The following MMP26 variants were observed in gnomAD, a reference collection of about 807,000 sequenced individuals.
MMP26 encodes matrix metalloproteinase-26.
MMP26 carries 33 observed loss-of-function variants against 31.0 expected under a neutral mutation model. The ratio of observed to expected loss-of-function variants is 1.06; its 90% CI spans 0.81 to 1.42. MMP26 has a LOEUF of 1.42. Ranked by LOEUF, MMP26 falls within the 40% of genes most tolerant of loss-of-function variation. The pLI is 0.00. For missense variants in MMP26, 347 were observed against 316.1 expected, an observed-to-expected ratio of 1.10 and a Z score of -0.74; for synonymous variants, 122 against 114.9, an observed-to-expected ratio of 1.06 and a Z score of -0.40.
At chr11:4,832,969 C>T (rs1354566736) in intron 2 of MMP26, 1 of 157,096 alleles carries the variant, frequency 6.4e-6, no homozygotes, top group Admixed American at 6.4e-5. Flanking sequence ...ATAGCAGATG[C>T]ATTCTTGCTG....
intron 2 of MMP26, chr11:4,860,028 T>C (rs1353536446): frequency 4.2e-6 from 2 of 471,072 alleles, no homozygotes; most frequent in Admixed American, 4.7e-5. Context: ...GAAGACAGTA[T>C]GAATGAGACA....
At chr11:4,834,935 T>C (rs1849695850) in intron 2 of MMP26, among the ~76,000 whole-genome samples, 1 of 152,008 alleles carries the variant, frequency 6.6e-6, no homozygotes. Context: ...ATATATAAAA[T>C]ATAGACATAA....
At chr11:4,768,657 C>T (rs1433914) in intron 2 of MMP26, among the ~76,000 whole-genome samples, 28,279 of 152,006 alleles carry the variant, frequency 0.19, 4,009 homozygotes, top group African/African-American at 0.4. Flanking sequence ...TATTTCATTT[C>T]GCTGTTTTGG....
chr11:4,735,793 TTAA>T (rs1350359949), intron 1 of MMP26, among the ~76,000 whole-genome samples: 1 of 151,904 alleles, frequency 6.6e-6, no homozygotes, highest in African/African-American at 2.4e-5. Context: ...TAAAAAACAC[TTAA>T]TAATTTTATT....
intron 1 of MMP26, among the ~76,000 whole-genome samples, chr11:4,740,419 C>T (rs1848296556): frequency 1.3e-5 from 2 of 152,108 alleles, no homozygotes; most frequent in South Asian, 2.1e-4. Flanking sequence ...GGCGGTGGCT[C>T]ATGCCTGTAA....
At chr11:4,789,734 G>A (rs1848997699) in intron 2 of MMP26, among the ~76,000 whole-genome samples, 1 of 151,094 alleles carries the variant, frequency 6.6e-6, no homozygotes, top group South Asian at 2.1e-4. Flanking sequence ...TAGAGACGGG[G>A]TTTCACTGTG....
At chr11:4,983,305 A>G (rs1351272681) in intron 2 of MMP26, among the ~76,000 whole-genome samples, 8 of 152,126 alleles carry the variant, frequency 5.3e-5, no homozygotes, top group African/African-American at 1.9e-4. Context: ...TTCTCTTAGC[A>G]TTAGCTCAAA....
intron 2 of MMP26, among the ~76,000 whole-genome samples, chr11:4,939,553 C>T (rs935979268): frequency 2.0e-5 from 3 of 152,130 alleles, no homozygotes; most frequent in African/African-American, 7.2e-5. Flanking sequence ...TATTAACTCT[C>T]TATTTAAACA....
chr11:4,983,923 A>G (rs745924921), intron 2 of MMP26, among the ~76,000 whole-genome samples: 13 of 152,210 alleles, frequency 8.5e-5, no homozygotes, highest in Non-Finnish European at 4.4e-5. Context: ...TATGCATATT[A>G]CATTTTGAGA....
chr11:4,920,622 C>A (rs749419425), intron 2 of MMP26, among the ~76,000 whole-genome samples: 1 of 152,118 alleles, frequency 6.6e-6, no homozygotes, highest in African/African-American at 2.4e-5. Flanking sequence ...AAAGCAAGCA[C>A]AGAACAATTA....
chr11:4,863,478 A>G (rs562684582), intron 2 of MMP26: 6 of 152,134 alleles, frequency 3.9e-5, no homozygotes, highest in Admixed American at 6.6e-5. Context: ...ATGACACTCT[A>G]TACACTATTC....
chr11:4,871,089 T>C (rs1850304591), intron 2 of MMP26, among the ~76,000 whole-genome samples: 1 of 151,842 alleles, frequency 6.6e-6, no homozygotes, highest in Non-Finnish European at 1.5e-5. Flanking sequence ...CAAAGGAAAA[T>C]AATTCAGCAT....
At chr11:4,858,019 T>C (rs1205723299) in intron 2 of MMP26, among the ~76,000 whole-genome samples, 1 of 152,042 alleles carries the variant, frequency 6.6e-6, no homozygotes, top group Non-Finnish European at 1.5e-5. Flanking sequence ...TCGACAAAAT[T>C]CAACAGCCCT....
chr11:4,779,731 A>G (rs1848834032), intron 2 of MMP26, among the ~76,000 whole-genome samples: 1 of 152,080 alleles, frequency 6.6e-6, no homozygotes, highest in Admixed American at 6.6e-5. Context: ...TAAGTTTTCA[A>G]ATTTATTGTT....
At position 4,769,778 on chromosome 11, in the gene MMP26, A is replaced by G. The variant is rs758904076; in HGVS notation, c.-145+2437A>G. On this transcript the variant is annotated intron_variant, in intron 2 of 7. Coordinates refer to ENST00000380390, the MANE Select transcript of MMP26 (RefSeq NM_021801.5). The stretch of plus-strand genomic sequence containing the variant: ...CTGCTGGGTAATGATGACAAACAGG[A>G]TCACGCTGTTCCCAGAGAGGGCAAT... 9.3e-6 allele frequency: 15 copies of G among 1,613,744 alleles called. 1 individual carries two copies. In the South Asian group the frequency reaches 1.5e-4, roughly 17 times the overall value.
At chr11:4,887,371 C>T (rs1807621690) in intron 2 of MMP26, among the ~76,000 whole-genome samples, 1 of 152,012 alleles carries the variant, frequency 6.6e-6, no homozygotes, top group South Asian at 2.1e-4. Context: ...GAGAAACAAA[C>T]AATATTTAGC....
chr11:4,943,441 A>G (rs953502013), intron 2 of MMP26: 4 of 455,586 alleles, frequency 8.8e-6, no homozygotes, highest in Admixed American at 2.4e-5. Flanking sequence ...TTGTTTAACC[A>G]TGGGGCTTAA....
chr11:4,769,723 G>A (rs145130893), intron 2 of MMP26: 15 of 1,613,492 alleles, frequency 9.3e-6, no homozygotes, highest in Middle Eastern at 1.6e-4. Context: ...ATAGCCTGAA[G>A]AGGAAATAAT....
At position 4,988,105 on chromosome 11, in the gene MMP26, G is replaced by T; in HGVS notation, c.-107G>T. 6 of 988,896 alleles carry T rather than the reference G, an allele frequency of 6.1e-6. No homozygotes were observed. In the South Asian group the frequency reaches 7.8e-5, roughly 13 times the overall value. 61.3% of individuals were successfully genotyped at this position (988,896 alleles called of 1,614,324 possible). A position where few individuals can be genotyped will look rare whatever the true frequency, so the allele number is the denominator to read the frequency against. ...ACGCCACTCACAGATTCAAAGAAAGGGCAAACTGGCAGAGTGAGTCATTGG... is the reference window on the plus strand; with the variant it reads ...ACGCCACTCACAGATTCAAAGAAAGTGCAAACTGGCAGAGTGAGTCATTGG... On this transcript the variant is annotated 5_prime_UTR_variant, in exon 3 of 8. Coordinates refer to ENST00000380390, the MANE Select transcript of MMP26 (RefSeq NM_021801.5).
Sources: allele counts gnomAD v4.1 joint callset (sites outside exome capture counted in the v4.1 genomes callset), GRCh38; gene constraint gnomAD v4.1.1; transcripts MANE v1.5; gene names NCBI Gene and HGNC (gene_info 2026-07-23, HGNC 2026-07-21).